The following KCNIP4 variants were observed in gnomAD, a reference collection of about 807,000 sequenced individuals.
The protein encoded by KCNIP4 is potassium voltage-gated channel interacting protein 4, also known as Kv channel-interacting protein 4.
KCNIP4 carries 12 observed loss-of-function variants against 34.0 expected under a neutral mutation model. The observed-to-expected ratio is 0.35, with a 90% CI of 0.23 to 0.57. The LOEUF (loss-of-function observed/expected upper bound fraction) is 0.57, where lower values mean the gene tolerates loss of function less well. Among genes scored for constraint, KCNIP4 ranks in the 20% least tolerant of loss-of-function variants. The probability of loss-of-function intolerance (pLI) is 0.83; values close to 1 mark genes in which losing one functional copy is unlikely to be tolerated. For missense variants in KCNIP4, 238 were observed against 311.7 expected (o/e 0.76, Z 1.78); for synonymous variants, 124 against 102.2 (o/e 1.21, Z -1.29).
chr4:21,777,043 T>C (rs1015989419), intron 1 of KCNIP4, among the ~76,000 whole-genome samples: 21 of 152,042 alleles, frequency 1.4e-4, no homozygotes, highest in African/African-American at 4.8e-4. Context: ...AAAGTGCTGG[T>C]ATTACAGGCA....
intron 1 of KCNIP4, among the ~76,000 whole-genome samples, chr4:21,788,213 C>A (rs552698349): frequency 6.6e-6 from 1 of 151,190 alleles, no homozygotes; most frequent in Admixed American, 6.6e-5. Flanking sequence ...AACTCAAGAG[C>A]AATGCTATTA....
chr4:21,708,714 AAGGCAATCAAT>A (rs1713482300), intron 1 of KCNIP4, among the ~76,000 whole-genome samples: 1 of 152,184 alleles, frequency 6.6e-6, no homozygotes, highest in Admixed American at 6.6e-5. Context: ...AGTTATATCA[AAGGCAATCAAT>A]AGGCAGCTTT....
rs1726834691 is a variant in KCNIP4, at chr4:21,435,107, G to A, written c.61+513464C>T. On this transcript the variant is annotated intron_variant, in intron 1 of 8. Transcript: ENST00000382152. ...GGTCGCTCTTTTCTAAAGGAGATTG[G>A]CCCTTTCAAAGCACAGAGAAAGGCA... 2.0e-5 allele frequency among the ~76,000 whole-genome samples: 3 copies of A among 152,222 alleles called. No individual in the cohort carries two copies. In the South Asian group the frequency reaches 6.2e-4, roughly 32 times the overall value.
Position 21,142,895 on chromosome 4 carries a change from G to A in KCNIP4, c.62-260186C>T, listed in dbSNP as rs57967977. On this transcript the variant is annotated intron_variant, in intron 1 of 8. Transcript: ENST00000382152. ...TCTGTGAAGGAGACCAACTCATTTG[G>A]CATTTTCATATTCTTACTATGTTTA... Among the ~76,000 whole-genome samples, 706 of 152,214 alleles carry A rather than the reference G, an allele frequency of 4.6e-3. 3 individuals carry two copies. Among genetic ancestry groups the A allele is most frequent in the African/African-American group, 0.015 (609 of 41,524 alleles).
intron 1 of KCNIP4, among the ~76,000 whole-genome samples, chr4:21,741,664 A>T (rs538717411): frequency 1.3e-5 from 2 of 152,330 alleles, no homozygotes; most frequent in Non-Finnish European, 2.9e-5. Flanking sequence ...AAGCGTATTT[A>T]TAGTGAGAGG....
chr4:21,193,830 C>T (rs1577866579), intron 1 of KCNIP4, among the ~76,000 whole-genome samples: 1 of 152,238 alleles, frequency 6.6e-6, no homozygotes, highest in South Asian at 2.1e-4. Context: ...CTCGGCCTCC[C>T]AAAGTGCTGG....
At chr4:21,419,386 T>C (rs1371808738) in intron 1 of KCNIP4, among the ~76,000 whole-genome samples, 5 of 152,090 alleles carry the variant, frequency 3.3e-5, no homozygotes, top group African/African-American at 9.7e-5. Flanking sequence ...ACGATGATGA[T>C]GGTGATGGTG....
At chr4:21,001,630 AC>A (rs958208694) in intron 1 of KCNIP4, among the ~76,000 whole-genome samples, 48 of 152,324 alleles carry the variant, frequency 3.2e-4, no homozygotes, top group African/African-American at 1.1e-3. Flanking sequence ...TTAAGCAATG[AC>A]AACAGTAATT....
chr4:21,246,737 A>G (rs1760231136), intron 1 of KCNIP4, among the ~76,000 whole-genome samples: 1 of 152,190 alleles, frequency 6.6e-6, no homozygotes, highest in South Asian at 2.1e-4. Flanking sequence ...TCCACCACTG[A>G]GTAAAAGGGT....
intron 1 of KCNIP4, among the ~76,000 whole-genome samples, chr4:21,794,774 G>C (rs973764839): frequency 4.6e-5 from 7 of 152,150 alleles, no homozygotes; most frequent in African/African-American, 1.4e-4. Context: ...AGCTACTTGG[G>C]AGGCTGAAGC....
chr4:21,887,034 G>A (rs1726810770), intron 1 of KCNIP4, among the ~76,000 whole-genome samples: 1 of 152,132 alleles, frequency 6.6e-6, no homozygotes. Flanking sequence ...ATCATTGCCA[G>A]CTTCAGGACA....
At chr4:21,636,370 C>T (rs966232905) in intron 1 of KCNIP4, among the ~76,000 whole-genome samples, 1 of 151,590 alleles carries the variant, frequency 6.6e-6, no homozygotes, top group African/African-American at 2.4e-5. Flanking sequence ...GAACTACTGC[C>T]AAGAAACGGA....
chr4:21,648,745 G>A (rs7437388), intron 1 of KCNIP4, among the ~76,000 whole-genome samples: 41,978 of 152,018 alleles, frequency 0.28, 7,432 homozygotes, highest in East Asian at 0.9. Context: ...TAACTCTGAA[G>A]TGGCAAAGTA....
intron 1 of KCNIP4, among the ~76,000 whole-genome samples, chr4:21,538,087 A>G (rs1317524308): frequency 6.6e-6 from 1 of 151,314 alleles, no homozygotes; most frequent in African/African-American, 2.4e-5. Flanking sequence ...AAAGAAGGGC[A>G]TGAACAGATG....
chr4:21,237,648 T>C (rs1347126231), intron 1 of KCNIP4, among the ~76,000 whole-genome samples: 1 of 152,168 alleles, frequency 6.6e-6, no homozygotes, highest in Non-Finnish European at 1.5e-5. Flanking sequence ...GATAAATTCC[T>C]CGACACATAC....
At chr4:21,925,319 T>C (rs1729178411) in intron 1 of KCNIP4, among the ~76,000 whole-genome samples, 1 of 150,364 alleles carries the variant, frequency 6.7e-6, no homozygotes, top group South Asian at 2.2e-4. Context: ...CACCTATGAG[T>C]GAGAACATGT....
intron 1 of KCNIP4, among the ~76,000 whole-genome samples, chr4:21,227,363 G>A (rs1758478845): frequency 6.6e-6 from 1 of 152,156 alleles, no homozygotes; most frequent in African/African-American, 2.4e-5. Flanking sequence ...CCCAGAGCAG[G>A]AGCAACAGTG....
Position 20,864,151 on chromosome 4 carries a change from TATGC to T in KCNIP4, c.164-13488_164-13485del, listed in dbSNP as rs1319041148. ...ACACATGTATGTATACATATCCATG[TATGC>T]ATACACATGTATGTATACACATGTA... On this transcript the variant is annotated intron_variant, in intron 2 of 8. Transcript: ENST00000382152. 3.1e-3 allele frequency among the ~76,000 whole-genome samples: 301 copies of T among 97,144 alleles called. 3 individuals are homozygous for T. Among genetic ancestry groups the T allele is most frequent in the Non-Finnish European group, 5.6e-3 (220 of 39,036 alleles). The allele number at this position is 97,144 out of a possible 152,430, so 63.7% of individuals were successfully genotyped here.
At chr4:21,066,575 C>T (rs1490042753) in intron 1 of KCNIP4, among the ~76,000 whole-genome samples, 1 of 151,938 alleles carries the variant, frequency 6.6e-6, no homozygotes, top group Admixed American at 6.6e-5. Context: ...AGAATGTCTG[C>T]GCCTGGGGAA....
Sources: allele counts gnomAD v4.1 joint callset (sites outside exome capture counted in the v4.1 genomes callset), GRCh38; gene constraint gnomAD v4.1.1; transcripts MANE v1.5; gene names NCBI Gene and HGNC (gene_info 2026-07-23, HGNC 2026-07-21).